DOCK1: variants seen among roughly 807,000 people sequenced by gnomAD.
The protein encoded by DOCK1 is dedicator of cytokinesis protein 1.
DOCK1 carries 138 observed loss-of-function variants against 262.7 expected under a neutral mutation model. That is an observed-to-expected ratio of 0.53 (90% CI 0.46 to 0.61). The LOEUF (loss-of-function observed/expected upper bound fraction) is 0.61. Ranked by LOEUF, DOCK1 falls within the 20% of genes least tolerant of loss-of-function variation. DOCK1 has a pLI of 0.00. For missense variants in DOCK1, 1,908 were observed against 2,370.7 expected (o/e 0.80, Z 4.05); for synonymous variants, 866 against 867.4 (o/e 1.00, Z 0.03).
In DOCK1 at chr10:126,946,657, G is replaced by C. The variant is rs1007528493; in HGVS notation, c.47-24045G>C. 1.6e-3 allele frequency among the ~76,000 whole-genome samples: 249 copies of C among 152,304 alleles called. 4 individuals carry two copies. Among genetic ancestry groups the C allele is most frequent in the Non-Finnish European group, 6.3e-4 (43 of 68,026 alleles). ...CTACTCTAGGAGCCACATAGGAACG[G>C]AATTGCACAGTATTTGTCCTTTTGT... On this transcript the variant is annotated intron_variant, in intron 1 of 51. Coordinates refer to ENST00000623213, the MANE Select transcript of DOCK1 (RefSeq NM_001290223.2).
At chr10:127,439,524 C>T (rs1301660646) in intron 49 of DOCK1, among the ~76,000 whole-genome samples, 1 of 152,196 alleles carries the variant, frequency 6.6e-6, no homozygotes, top group African/African-American at 2.4e-5. Flanking sequence ...CTACACATGT[C>T]CTAATATCCC....
intron 38 of DOCK1, among the ~76,000 whole-genome samples, chr10:127,388,067 A>T (rs2066241032): frequency 6.6e-6 from 1 of 152,164 alleles, no homozygotes; most frequent in Non-Finnish European, 1.5e-5. Flanking sequence ...CCCCCACACC[A>T]CAAAGAAATA....
intron 29 of DOCK1, among the ~76,000 whole-genome samples, chr10:127,319,031 A>G (rs933175883): frequency 1.3e-5 from 2 of 152,196 alleles, no homozygotes; most frequent in African/African-American, 4.8e-5. Flanking sequence ...CCCTAATGGC[A>G]GGGATCTGCC....
At chr10:127,191,601 G>T (rs1377505064) in intron 27 of DOCK1, among the ~76,000 whole-genome samples, 1 of 152,116 alleles carries the variant, frequency 6.6e-6, no homozygotes, top group East Asian at 1.9e-4. Context: ...CATGAAGAAG[G>T]ACCATTGACA....
chr10:127,039,847 A>G (rs1323781677), intron 19 of DOCK1, among the ~76,000 whole-genome samples: 1 of 152,218 alleles, frequency 6.6e-6, no homozygotes, highest in East Asian at 1.9e-4. Context: ...GTATTTAGCA[A>G]AAGATACGCT....
At chr10:126,986,479 C>T (rs552598870) in intron 4 of DOCK1, among the ~76,000 whole-genome samples, 2 of 152,290 alleles carry the variant, frequency 1.3e-5, no homozygotes, top group African/African-American at 4.8e-5. Flanking sequence ...CTAACTACAC[C>T]AGCCACAAAT....
chr10:126,997,973 G>C, intron 7 of DOCK1, 119 bp from the exon 8 acceptor site: 1 of 1,298,992 alleles, frequency 7.7e-7, no homozygotes, highest in Non-Finnish European at 1.1e-6. Context: ...ACTGCACCAA[G>C]GCCTTTGCTG....
intron 27 of DOCK1, among the ~76,000 whole-genome samples, chr10:127,198,001 C>T (rs1259593729): frequency 2.0e-5 from 3 of 152,148 alleles, no homozygotes; most frequent in South Asian, 2.1e-4. Context: ...GGACGGGAGT[C>T]CTGAGCCTGT....
In DOCK1 at chr10:127,023,135, C is replaced by A; in HGVS notation, c.1328-65C>A. ...CTATGAGGATAGGTAGACAGTCTTG[C>A]AAAATTCACAATTACGCTATTAATA... On this transcript the variant is annotated intron_variant, in intron 13 of 51. Transcript: ENST00000623213. 3 of 1,572,374 alleles carry A rather than the reference C, an allele frequency of 1.9e-6. No homozygotes were observed. The Admixed American group carries it at 5.3e-5, about 28-fold the overall frequency.
chr10:126,959,917 C>T (rs926803302), intron 1 of DOCK1, among the ~76,000 whole-genome samples: 5 of 152,236 alleles, frequency 3.3e-5, no homozygotes, highest in African/African-American at 7.2e-5. Context: ...TCCCGGGTTT[C>T]TCCTGCCTCA....
At chr10:126,987,743 T>G in intron 5 of DOCK1, 126 bp downstream of exon 5, 2 of 914,670 alleles carry the variant, frequency 2.2e-6, no homozygotes, top group Non-Finnish European at 3.3e-6. Context: ...GACAGAGTTT[T>G]ACTCGGAATT....
chr10:127,296,439 AAG>A (rs1487185950), intron 29 of DOCK1, among the ~76,000 whole-genome samples: 1 of 152,162 alleles, frequency 6.6e-6, no homozygotes, highest in Admixed American at 6.5e-5. Context: ...TTTTGCATAA[AAG>A]AAGATTATCC....
intron 27 of DOCK1, among the ~76,000 whole-genome samples, chr10:127,226,064 C>T (rs143324914): frequency 1.3e-3 from 178 of 138,202 alleles, no homozygotes; most frequent in African/African-American, 3.8e-3. Flanking sequence ...GGCGATAGTG[C>T]GAGAGACTCT....
intron 27 of DOCK1, among the ~76,000 whole-genome samples, chr10:127,221,765 G>A (rs189505169): frequency 6.6e-6 from 1 of 152,244 alleles, no homozygotes; most frequent in Admixed American, 6.5e-5. Context: ...GTCAGAATGT[G>A]GCTTGAAATG....
chr10:127,323,901 C>G (rs2062645516), intron 29 of DOCK1, among the ~76,000 whole-genome samples: 1 of 152,234 alleles, frequency 6.6e-6, no homozygotes, highest in Non-Finnish European at 1.5e-5. Context: ...CAGTGCTTCC[C>G]TCACTGCTGT....
intron 47 of DOCK1, among the ~76,000 whole-genome samples, chr10:127,432,639 CAAG>C (rs1430162252): frequency 6.6e-6 from 1 of 152,060 alleles, no homozygotes; most frequent in Non-Finnish European, 1.5e-5. Flanking sequence ...TGTAATATGT[CAAG>C]AAGAAGATGG....
chr10:127,075,476 A>G (rs1003495854), intron 23 of DOCK1, among the ~76,000 whole-genome samples: 4 of 152,082 alleles, frequency 2.6e-5, no homozygotes, highest in Admixed American at 2.0e-4. Flanking sequence ...TTCGTCATAT[A>G]TTAGTCTATT....
intron 29 of DOCK1, among the ~76,000 whole-genome samples, chr10:127,327,239 T>C (rs1481568904): frequency 2.6e-5 from 4 of 152,224 alleles, no homozygotes; most frequent in Non-Finnish European, 5.9e-5. Flanking sequence ...AATATGAAAG[T>C]CCTAGATGAC....
chr10:127,024,581 G>C, intron 14 of DOCK1, 104 bp from the exon 15 acceptor site: 1 of 911,882 alleles, frequency 1.1e-6, no homozygotes, highest in Non-Finnish European at 1.6e-6. Flanking sequence ...GGGGTGTGTT[G>C]GTGTTCTTGG....
Sources: gnomAD v4.1 joint callset for allele counts (sites outside exome capture counted in the v4.1 genomes callset) on GRCh38, gnomAD v4.1.1 for gene constraint, MANE v1.5 for transcripts, NCBI Gene and HGNC (gene_info 2026-07-23, HGNC 2026-07-21) for gene names.